CWC25: variants seen among roughly 807,000 people sequenced by gnomAD.
CWC25 encodes CWC25 spliceosome associated protein.
In CWC25, 31 loss-of-function variants were observed where a neutral mutation model predicts 54.6. The ratio of observed to expected loss-of-function variants is 0.57; its 90% confidence interval spans 0.43 to 0.77. CWC25 has a LOEUF of 0.77. CWC25 is among the 30% of genes least tolerant of loss of function. The pLI is 0.00. For missense variants in CWC25, 453 were observed against 529.3 expected, an observed-to-expected ratio of 0.86 and a Z score of 1.41; for synonymous variants, 151 against 187.0, an observed-to-expected ratio of 0.81 and a Z score of 1.57.
At chr17:38,818,588 C>CAAAAAAAAAAAAAAAAAAAAAAAAAAAA (rs56382375) in intron 2 of CWC25, among the ~76,000 whole-genome samples, 1 of 48,482 alleles carries the variant, frequency 2.1e-5, no homozygotes, top group Non-Finnish European at 3.4e-5. Flanking sequence ...GACTCCATCT[C>CAAAAAAAAAAAAAAAAAAAAAAAAAAAA]AAAAAAAAAA....
chr17:38,820,896 C>T lies in CWC25; in HGVS notation c.191+5G>A. The T allele has an allele frequency of 6.2e-7, 1 of 1,608,896 alleles. No individual in the cohort carries two copies. The highest frequency in any genetic ancestry group is 8.5e-7 in the Non-Finnish European group (1 of 1,177,464). ...ACACAAGCGCACCCCCAGCTCCTCA[C>T]TTACTTGACGGCCCCAACATCCTCC... On this transcript the variant is annotated splice_donor_5th_base_variant and intron_variant, in intron 2 of 9. Transcript: ENST00000614790.
At chr17:38,802,543 T>C (rs1003975760) in intron 9 of CWC25, among the ~76,000 whole-genome samples, 157 bp downstream of exon 9, 93 of 152,188 alleles carry the variant, frequency 6.1e-4, no homozygotes, top group Non-Finnish European at 1.2e-3. Context: ...ATGAAAAACA[T>C]CCCACTGTGT....
At position 38,806,791 on chromosome 17, in the gene CWC25, C is replaced by T. The variant is rs1042138825; in HGVS notation, c.876G>A (p.Arg292=). 2.5e-6 allele frequency: 4 copies of T among 1,604,546 alleles called. No homozygotes were observed. Among genetic ancestry groups the T allele is most frequent in the Admixed American group, 1.7e-5 (1 of 58,418 alleles). The part of the protein sequence containing the change: ...RDRRSRSLGR[R]SRSPRPSKLH... Reference sequence around the variant, plus strand: ...GTTTGCTGGGTCTTGGGGACCGTGACCTTCTGCCCAGGGATCGAGACCTCC... The same window carrying T: ...GTTTGCTGGGTCTTGGGGACCGTGATCTTCTGCCCAGGGATCGAGACCTCC... The change falls in exon 7 of 10, where the codon AGG becomes AGA. Residue 292 remains arginine, a synonymous_variant. Coordinates refer to ENST00000614790, the MANE Select transcript of CWC25 (RefSeq NM_017748.5).
chr17:38,816,056 TC>T (rs1911685679), intron 2 of CWC25, among the ~76,000 whole-genome samples: 1 of 152,048 alleles, frequency 6.6e-6, no homozygotes, highest in African/African-American at 2.4e-5. Context: ...CACAAACATT[TC>T]CCTGCGGTTC....
At chr17:38,804,808 A>G (rs963716052) in intron 8 of CWC25, among the ~76,000 whole-genome samples, 1 of 147,246 alleles carries the variant, frequency 6.8e-6, no homozygotes, top group African/African-American at 2.5e-5. Context: ...ACAAAAAAAA[A>G]AAAAAAAAAA....
At chr17:38,810,688 G>C in intron 4 of CWC25, 93 bp from the exon 5 acceptor site, 1 of 722,696 alleles carries the variant, frequency 1.4e-6, no homozygotes, top group African/African-American at 1.7e-5. Context: ...GGGAGGCTGA[G>C]TGGAGCAGAT....
Position 38,802,754 on chromosome 17 carries a change from T to A in CWC25, c.1109A>T (p.Glu370Val). Residue 370 changes from glutamate to valine, a missense_variant, in exon 9 of 10, where the codon GAG (glutamate) becomes GTG (valine). Transcript: ENST00000614790. ...CTTCTCTAGCCTCTGCTCCCGTTCC[T>A]CATCCTTAGCATGCCTCTTGAGGAT... The part of the protein sequence containing the change: ...LNILKRHAKD[E>V]EREQRLEKLD... 6.2e-7 allele frequency: 1 copy of A among 1,614,028 alleles called. No individual in the cohort carries two copies. Among genetic ancestry groups the A allele is most frequent in the African/African-American group, 1.3e-5 (1 of 75,048 alleles).
rs1326317750 is a variant in CWC25, at chr17:38,810,626, G to C, written c.499-31C>G. The C allele has an allele frequency of 2.7e-6, 3 of 1,111,916 alleles. No individual in the cohort carries two copies. The Admixed American group carries it at 5.9e-5, about 22-fold the overall frequency. 68.9% of individuals were successfully genotyped at this position (1,111,916 alleles called of 1,614,324 possible). The stretch of plus-strand genomic sequence containing the variant: ...AAATGCCGAGAACACAAGCACACAA[G>C]ATTACTGAGACCAGCCAGCGCAGTG... On this transcript the variant is annotated intron_variant, in intron 4 of 9. Transcript: ENST00000614790.
chr17:38,802,358 A>T (rs936525299), intron 9 of CWC25, among the ~76,000 whole-genome samples, 152 bp from the exon 10 acceptor site: 1 of 152,254 alleles, frequency 6.6e-6, no homozygotes, highest in Non-Finnish European at 1.5e-5. Context: ...GAGTGACTCC[A>T]CCTGGAACCA....
chr17:38,808,055 CAAAA>C (rs61226105), intron 6 of CWC25, among the ~76,000 whole-genome samples: 2,034 of 52,730 alleles, frequency 0.039, 194 homozygotes, highest in African/African-American at 0.11. Context: ...GACTCCATCT[CAAAA>C]AAAAAAAAAA....
In CWC25 at chr17:38,808,663, C is replaced by T. The variant is rs183973774; in HGVS notation, c.690+1039G>A. On this transcript the variant is annotated intron_variant, in intron 6 of 9. Transcript: ENST00000614790. The stretch of plus-strand genomic sequence containing the variant: ...AGGTGTGATGGCAGGTGCCTGTAAT[C>T]CCAGCTACTCAGGAGGCTGAGGCAG... 2.0e-5 allele frequency among the ~76,000 whole-genome samples: 3 copies of T among 148,754 alleles called. 1 individual carries two copies. The East Asian group carries it at 6.0e-4, about 30-fold the overall frequency.
At chr17:38,811,576 C>T (rs1206683562) in intron 4 of CWC25, among the ~76,000 whole-genome samples, 3 of 151,928 alleles carry the variant, frequency 2.0e-5, no homozygotes, top group Non-Finnish European at 2.9e-5. Flanking sequence ...ACTGAGACCC[C>T]TATCAGTCTC....
intron 1 of CWC25, 45 bp from the exon 2 acceptor site, chr17:38,821,118 G>C: frequency 6.3e-7 from 1 of 1,583,102 alleles, no homozygotes; most frequent in Non-Finnish European, 8.6e-7. Context: ...GGGGGTGACT[G>C]AGTGGTGGGT....
chr17:38,817,207 G>A (rs1911736702), intron 2 of CWC25, among the ~76,000 whole-genome samples: 1 of 150,556 alleles, frequency 6.6e-6, no homozygotes, highest in East Asian at 2.0e-4. Flanking sequence ...AGGCGTGGTG[G>A]TACACGCCTG....
rs148743247 is a variant in CWC25 at position 38,823,986 on chromosome 17, G to A, written c.18+1180C>T. Among the ~76,000 whole-genome samples, 10 of 152,332 alleles carry A rather than the reference G, an allele frequency of 6.6e-5. No individual in the cohort carries two copies. The East Asian group carries it at 1.9e-3, about 29-fold the overall frequency. On this transcript the variant is annotated intron_variant, in intron 1 of 9. Coordinates refer to ENST00000614790, the MANE Select transcript of CWC25 (RefSeq NM_017748.5). The stretch of plus-strand genomic sequence containing the variant: ...AAACTGTCAAGAGCGCTAATGTTGA[G>A]AAACCCTGGATTAGAGCTTTCCTGT...
chr17:38,802,289 G>T, intron 9 of CWC25, 83 bp from the exon 10 acceptor site: 1 of 906,878 alleles, frequency 1.1e-6, no homozygotes. Context: ...GAAATGGGTT[G>T]TTAGCCATAG....
At chr17:38,809,825 A>G in intron 5 of CWC25, 60 bp from the exon 6 acceptor site, 1 of 1,472,912 alleles carries the variant, frequency 6.8e-7, no homozygotes, top group East Asian at 2.3e-5. Flanking sequence ...TCCAATTTAA[A>G]TATCTTATGC....
intron 4 of CWC25, among the ~76,000 whole-genome samples, chr17:38,811,183 A>G (rs562594966): frequency 6.6e-6 from 1 of 151,828 alleles, no homozygotes; most frequent in African/African-American, 2.4e-5. Flanking sequence ...GTGAGCTGAG[A>G]TCACGCCACT....
chr17:38,822,859 T>TC (rs1911980752), intron 1 of CWC25, among the ~76,000 whole-genome samples: 1 of 151,266 alleles, frequency 6.6e-6, no homozygotes, highest in Non-Finnish European at 1.5e-5. Context: ...AATTTTTTTT[T>TC]TTTTTTTTTG....
Sources: allele counts gnomAD v4.1 joint callset (sites outside exome capture counted in the v4.1 genomes callset), GRCh38; gene constraint gnomAD v4.1.1; transcripts MANE v1.5; gene names NCBI Gene and HGNC (gene_info 2026-07-23, HGNC 2026-07-21).